Variants in MYB observed in about 807,000 individuals in gnomAD.
The protein encoded by MYB is transcriptional activator Myb.
A neutral mutation model predicts 92.9 loss-of-function variants in MYB; 28 were observed. The observed-to-expected ratio is 0.30, with a 90% CI of 0.22 to 0.41. The LOEUF (loss-of-function observed/expected upper bound fraction) is 0.41. MYB is among the 10% of genes least tolerant of loss of function. MYB has a pLI of 1.00. For missense variants in MYB, 679 were observed against 929.3 expected (o/e 0.73, Z 3.50); for synonymous variants, 295 against 329.1 (o/e 0.90, Z 1.12).
intron 14 of MYB, chr6:135,202,471 C>G (rs1311200929): frequency 6.5e-6 from 1 of 154,240 alleles, no homozygotes; most frequent in Non-Finnish European, 1.4e-5. Flanking sequence ...CGGGTTCAAG[C>G]GATTCTCCTG....
At chr6:135,188,904 A>T (rs1473005021) in intron 3 of MYB, among the ~76,000 whole-genome samples, 2 of 152,182 alleles carry the variant, frequency 1.3e-5, no homozygotes, top group Non-Finnish European at 2.9e-5. Flanking sequence ...AACCACAGTG[A>T]CAGAATCTCA....
intron 13 of MYB, among the ~76,000 whole-genome samples, chr6:135,201,206 A>T (rs1364771544): frequency 8.3e-6 from 1 of 121,184 alleles, no homozygotes; most frequent in Non-Finnish European, 1.7e-5. Context: ...ATGTAAAGAT[A>T]AGTATTTTTT....
chr6:135,201,999 A>G (rs1427076188), intron 14 of MYB, among the ~76,000 whole-genome samples: 2 of 152,214 alleles, frequency 1.3e-5, no homozygotes, highest in East Asian at 1.9e-4. Flanking sequence ...TGCCTTGGCC[A>G]TTTAAAAAAA....
At chr6:135,197,939 T>C (rs1278101508) in intron 10 of MYB, among the ~76,000 whole-genome samples, 1 of 152,248 alleles carries the variant, frequency 6.6e-6, no homozygotes, top group African/African-American at 2.4e-5. Context: ...CCAAGGAATA[T>C]TTTTATTTCA....
At chr6:135,210,823 G>A (rs1583412693) in intron 15 of MYB, among the ~76,000 whole-genome samples, 2 of 152,206 alleles carry the variant, frequency 1.3e-5, no homozygotes, top group Admixed American at 6.5e-5. Context: ...ACTATACACA[G>A]GTGATATTAT....
chr6:135,217,367 C>T (rs879550305), intron 15 of MYB, among the ~76,000 whole-genome samples: 2 of 116,192 alleles, frequency 1.7e-5, no homozygotes, highest in African/African-American at 2.7e-5. Context: ...ATGACTCTGT[C>T]TCAAAAAAAA....
chr6:135,196,613 T>A, intron 9 of MYB: 2 of 647,734 alleles, frequency 3.1e-6, no homozygotes, highest in East Asian at 6.1e-5. Context: ...AACACTTGGT[T>A]CCTTTCCCAG....
At chr6:135,184,927 A>G (rs1178625800) in intron 1 of MYB, among the ~76,000 whole-genome samples, 1 of 152,226 alleles carries the variant, frequency 6.6e-6, no homozygotes. Flanking sequence ...AGATTAACAA[A>G]CATTATGATT....
intron 14 of MYB, 47 bp from the exon 15 acceptor site, chr6:135,203,170 A>T (rs776003468): frequency 3.6e-6 from 5 of 1,375,892 alleles, no homozygotes; most frequent in Non-Finnish European, 5.1e-6. Context: ...TGTGGCTCTC[A>T]TATTATCCAA....
rs978378069 is a variant in MYB at position 135,182,974 on chromosome 6, A to G, written c.23+1438A>G. On this transcript the variant is annotated intron_variant, in intron 1 of 15. Transcript: ENST00000341911. This position sits in a 1 kb window ranked among gnomAD's most constrained non-coding sequence, Gnocchi z 5.6. ...CTCGAGGGCTCCACTTTTCGCCTTT[A>G]GGACTTCACAGGACAGCTACCGGGG... 3.5e-5 allele frequency among the ~76,000 whole-genome samples: 5 copies of G among 142,764 alleles called. No homozygotes were observed. The highest frequency in any genetic ancestry group is 7.6e-5 in the Non-Finnish European group (5 of 66,062). 93.7% of individuals were successfully genotyped at this position (142,764 alleles called of 152,430 possible).
intron 15 of MYB, among the ~76,000 whole-genome samples, chr6:135,212,306 T>G (rs1779856717): frequency 6.9e-6 from 1 of 144,054 alleles, no homozygotes; most frequent in Admixed American, 7.2e-5. Context: ...AACACATAAT[T>G]TGCCAAGGCT....
chr6:135,181,408 C>T lies in MYB; in HGVS notation c.-106C>T. 2 of 768,176 alleles carry T rather than the reference C, an allele frequency of 2.6e-6. No homozygotes were observed. Among genetic ancestry groups the T allele is most frequent in the East Asian group, 6.3e-5 (1 of 15,970 alleles). 47.6% of individuals were successfully genotyped at this position (768,176 alleles called of 1,614,324 possible). ...GAAACTTCGCCCCAGCGGTGCGGAG[C>T]GCCGCTGCGCAGCCGGGGAGGGACG... On this transcript the variant is annotated 5_prime_UTR_variant, in exon 1 of 16. Transcript: ENST00000341911. The surrounding 1 kb of genome is among the most constrained non-coding windows in gnomAD (Gnocchi z 5.3).
intron 9 of MYB, chr6:135,196,669 C>A: frequency 8.7e-7 from 1 of 1,145,178 alleles, no homozygotes; most frequent in Non-Finnish European, 1.2e-6. Context: ...AGGAGATGAC[C>A]ATTGCCGTAA....
At chr6:135,209,761 A>G (rs1334146304) in intron 15 of MYB, among the ~76,000 whole-genome samples, 1 of 152,236 alleles carries the variant, frequency 6.6e-6, no homozygotes, top group Non-Finnish European at 1.5e-5. Flanking sequence ...TTGTAAAAGC[A>G]AACAGGATAT....
intron 1 of MYB, among the ~76,000 whole-genome samples, chr6:135,183,769 C>G (rs1775507535): frequency 6.6e-6 from 1 of 152,206 alleles, no homozygotes; most frequent in Non-Finnish European, 1.5e-5. Context: ...CACCTTGCCC[C>G]CAAGACCTTA....
In MYB at chr6:135,203,285, T is replaced by C; in HGVS notation, c.2130T>C (p.Phe710=). ...SEDEDNVLKA[F]TVPKNRSLAS... Reference sequence around the variant, plus strand: ...ATGAAGACAATGTTCTCAAAGCATTTACAGTACCTAAAAACAGGTCCCTGG... The same window carrying C: ...ATGAAGACAATGTTCTCAAAGCATTCACAGTACCTAAAAACAGGTCCCTGG... Residue 710 remains phenylalanine (F), a synonymous_variant, in exon 15 of 16, where the codon TTT becomes TTC. Coordinates refer to ENST00000341911, the MANE Select transcript of MYB (RefSeq NM_001130173.2). 1 of 1,610,664 alleles carries C rather than the reference T, an allele frequency of 6.2e-7. No homozygotes were observed. Among genetic ancestry groups the C allele is most frequent in the Admixed American group, 1.7e-5 (1 of 60,012 alleles).
At chr6:135,213,158 C>A (rs1467659463) in intron 15 of MYB, among the ~76,000 whole-genome samples, 2 of 152,194 alleles carry the variant, frequency 1.3e-5, no homozygotes, top group African/African-American at 4.8e-5. Context: ...ATGGTGGCTA[C>A]CACATCCTGG....
Position 135,203,247 on chromosome 6 carries a change from C to G in MYB, c.2092C>G (p.Pro698Ala). 1 of 1,609,760 alleles carries G rather than the reference C, an allele frequency of 6.2e-7. No homozygotes were observed. The highest frequency in any genetic ancestry group is 8.5e-7 in the Non-Finnish European group (1 of 1,176,446). The change falls in exon 15 of 16, where the codon CCA (proline) becomes GCA (alanine). Residue 698 changes from proline to alanine, a missense_variant. Pro to Ala is a conservative substitution (Grantham distance 27). Transcript: ENST00000341911. ...NILTSSVLMA[P>A]ASEDEDNVLK... ...TCTTACAAGCTCCGTTTTAATGGCA[C>G]CAGCATCAGAAGATGAAGACAATGT...
chr6:135,203,625 A>G, intron 15 of MYB: 1 of 1,009,772 alleles, frequency 9.9e-7, no homozygotes, highest in Non-Finnish European at 1.4e-6. Context: ...GTGTGTCACT[A>G]TCTTCTTCTG....
Sources: gnomAD v4.1 joint callset for allele counts (sites outside exome capture counted in the v4.1 genomes callset) on GRCh38, gnomAD v4.1.1 for gene constraint, Gnocchi (gnomAD v3.1) non-coding constraint, MANE v1.5 for transcripts, NCBI Gene and HGNC (gene_info 2026-07-23, HGNC 2026-07-21) for gene names.